The following INTS3 variants were observed in gnomAD, a reference collection of about 807,000 sequenced individuals.
INTS3 encodes SOSS complex subunit A.
A neutral mutation model predicts 146.3 loss-of-function variants in INTS3; 34 were observed. That is an observed-to-expected ratio of 0.23 (90% confidence interval 0.18 to 0.31). The LOEUF (loss-of-function observed/expected upper bound fraction) is 0.31, where lower values mean the gene tolerates loss of function less well. Among genes scored for constraint, INTS3 ranks in the 10% least tolerant of loss-of-function variants. The probability of loss-of-function intolerance (pLI) is 1.00; values close to 1 mark genes in which losing one functional copy is unlikely to be tolerated. For missense variants in INTS3, 757 were observed against 1,304.2 expected (o/e 0.58, Z 6.46); for synonymous variants, 475 against 494.9 (o/e 0.96, Z 0.53).
intron 1 of INTS3, among the ~76,000 whole-genome samples, chr1:153,736,306 C>T (rs1671281888): frequency 6.6e-6 from 1 of 152,176 alleles, no homozygotes; most frequent in African/African-American, 2.4e-5. Context: ...CTTATTTTAG[C>T]TTGAAGTTTT....
rs1360366740 is a variant in INTS3, at chr1:153,762,777, T to A, written c.1566T>A (p.Asp522Glu). Residue 522 changes from aspartate (D) to glutamate (E), a missense_variant, in exon 15 of 30, where the codon GAT becomes GAA. Transcript: ENST00000318967. ...VSMEMDNHMS[D>E]KDESCYDNAE... The stretch of plus-strand genomic sequence containing the variant: ...TGGAGATGGACAACCATATGTCGGA[T>A]AAGGATGAGAGTTGCTATGACAATG... The A allele has an allele frequency of 6.2e-7, 1 of 1,614,002 alleles. No homozygotes were observed. The highest frequency in any genetic ancestry group is 8.5e-7 in the Non-Finnish European group (1 of 1,180,030).
At chr1:153,753,808 A>G (rs935876200) in intron 8 of INTS3, 2 of 152,214 alleles carry the variant, frequency 1.3e-5, no homozygotes, top group Non-Finnish European at 2.9e-5. Context: ...GGCACCTGCC[A>G]TCATGCCCAG....
chr1:153,737,273 T>C (rs537758647), intron 1 of INTS3, among the ~76,000 whole-genome samples: 32 of 152,196 alleles, frequency 2.1e-4, no homozygotes, highest in Non-Finnish European at 3.8e-4. Flanking sequence ...ATCCTCAAGA[T>C]AAAGTTTTAA....
chr1:153,738,206 C>T (rs1671374089), intron 1 of INTS3, among the ~76,000 whole-genome samples: 1 of 152,176 alleles, frequency 6.6e-6, no homozygotes, highest in South Asian at 2.1e-4. Flanking sequence ...TCAAGTGATC[C>T]TCCCACCTCA....
At chr1:153,767,597 G>A in intron 20 of INTS3, 77 bp from the exon 21 acceptor site, 1 of 1,446,734 alleles carries the variant, frequency 6.9e-7, no homozygotes, top group Non-Finnish European at 9.2e-7. Flanking sequence ...CAGTTTTAGA[G>A]CGGGAGCCTG....
intron 26 of INTS3, 31 bp downstream of exon 26, chr1:153,771,994 C>T (rs1041184360): frequency 1.9e-6 from 3 of 1,587,760 alleles, no homozygotes; most frequent in African/African-American, 2.7e-5. Flanking sequence ...ACCCTCCAGG[C>T]CATGGCGGTC....
intron 1 of INTS3, among the ~76,000 whole-genome samples, chr1:153,733,785 A>G (rs548606750): frequency 6.6e-6 from 1 of 151,264 alleles, no homozygotes; most frequent in Non-Finnish European, 1.5e-5. Context: ...TTGTATTTTT[A>G]GTAGAGATGG....
At chr1:153,770,544 G>GT (rs950040502) in intron 24 of INTS3, 141 bp from the exon 25 acceptor site, 1 of 751,762 alleles carries the variant, frequency 1.3e-6, no homozygotes, top group African/African-American at 1.7e-5. Flanking sequence ...ACTGATAGGA[G>GT]TGGGGTAGGG....
chr1:153,772,018 G>C lies in INTS3; in HGVS notation c.2720+55G>C, dbSNP rs1262619350. 2.0e-6 allele frequency: 3 copies of C among 1,499,098 alleles called. No homozygotes were observed. In the African/African-American group the frequency reaches 4.6e-5, roughly 23 times the overall value. The allele number at this position is 1,499,098 out of a possible 1,614,324, so 92.9% of individuals were successfully genotyped here. A position where few individuals can be genotyped will look rare whatever the true frequency, so the allele number is the denominator to read the frequency against. ...GCCATGGCGGTCTGCAGTGATTGCT[G>C]TCGGTGGTGGTGGTGGTGGTGGTGG... On this transcript the variant is annotated intron_variant, in intron 26 of 29. Coordinates refer to ENST00000318967, the MANE Select transcript of INTS3 (RefSeq NM_023015.5). The surrounding 1 kb of genome is among the most constrained non-coding windows in gnomAD (Gnocchi z 4.6).
intron 21 of INTS3, 82 bp downstream of exon 21, chr1:153,767,909 AC>A: frequency 7.2e-7 from 1 of 1,385,546 alleles, no homozygotes; most frequent in Non-Finnish European, 9.5e-7. Flanking sequence ...ACAACCCTGA[AC>A]CCTCTTTTGT....
intron 25 of INTS3, 25 bp downstream of exon 25, chr1:153,770,758 T>C (rs6675978): frequency 0.44 from 691,816 of 1,587,438 alleles, 154,259 homozygotes; most frequent in East Asian, 0.68. Flanking sequence ...TGGGGCTCTT[T>C]AGCCCTCAAT....
Position 153,767,789 on chromosome 1 carries a change from C to T in INTS3, c.2206C>T (p.Arg736Trp), listed in dbSNP as rs1481348560. ...DMKACQEDDVRLLCHLTPSIY... is the reference protein window; with the variant it reads ...DMKACQEDDVWLLCHLTPSIY... ...GAAGGCCTGCCAGGAGGACGATGTGCGGCTCCTGTGCCACCTCACGCCCTC... is the reference window on the plus strand; with the variant it reads ...GAAGGCCTGCCAGGAGGACGATGTGTGGCTCCTGTGCCACCTCACGCCCTC... The change falls in exon 21 of 30, where the codon CGG (arginine) becomes TGG (tryptophan). Residue 736 changes from arginine (R) to tryptophan (W), a missense_variant. By Grantham distance (101) the Arg-to-Trp change is moderately radical. Coordinates refer to ENST00000318967, the MANE Select transcript of INTS3 (RefSeq NM_023015.5). 4.4e-6 allele frequency: 7 copies of T among 1,573,140 alleles called. No homozygotes were observed. The highest frequency in any genetic ancestry group is 1.5e-5 in the African/African-American group (1 of 68,588).
intron 1 of INTS3, among the ~76,000 whole-genome samples, chr1:153,734,963 A>T (rs1404389845): frequency 1.3e-5 from 2 of 152,010 alleles, no homozygotes; most frequent in Non-Finnish European, 2.9e-5. Flanking sequence ...CGCAAATTGA[A>T]TAGTTTTTGT....
Position 153,761,665 on chromosome 1 carries a change from C to A in INTS3, c.1505C>A (p.Pro502Gln), listed in dbSNP as rs1229362422. 2 of 1,612,714 alleles carry A rather than the reference C, an allele frequency of 1.2e-6. No homozygotes were observed. Among genetic ancestry groups the A allele is most frequent in the Non-Finnish European group, 1.7e-6 (2 of 1,178,792 alleles). ...CCTGAGTTCTGCAGCTCACCCTCCCCACCTGTGGAAGGTATGAGGCCCGCC... is the reference window on the plus strand; with the variant it reads ...CCTGAGTTCTGCAGCTCACCCTCCCAACCTGTGGAAGGTATGAGGCCCGCC... Reference protein sequence around the residue: ...KFPEFCSSPSPPVEVKIEEPV... With the variant: ...KFPEFCSSPSQPVEVKIEEPV... The change falls in exon 14 of 30, where the codon CCA becomes CAA. Residue 502 changes from proline (P) to glutamine (Q), a missense_variant. Physicochemically the swap from Pro to Gln is moderately conservative, Grantham distance 76. Transcript: ENST00000318967.
rs1673039020 is a variant in INTS3 at position 153,774,120 on chromosome 1, T to C, written c.*850T>C. ...TCTGCTGGCATTTGCCCCGTGCATGTATAGCTTGGTCTTGATTTGATTGGC... is the reference window on the plus strand; with the variant it reads ...TCTGCTGGCATTTGCCCCGTGCATGCATAGCTTGGTCTTGATTTGATTGGC... On this transcript the variant is annotated 3_prime_UTR_variant, in exon 30 of 30. Transcript: ENST00000318967. The C allele has an allele frequency of 6.5e-6, 1 of 153,656 alleles. No homozygotes were observed. The highest frequency in any genetic ancestry group is 1.5e-5 in the Non-Finnish European group (1 of 68,042). The allele number at this position is 153,656 out of a possible 1,614,324, so 9.5% of individuals were successfully genotyped here. A position where few individuals can be genotyped will look rare whatever the true frequency, so the allele number is the denominator to read the frequency against.
At chr1:153,760,537 G>T in intron 12 of INTS3, 147 bp downstream of exon 12, 1 of 671,776 alleles carries the variant, frequency 1.5e-6, no homozygotes, top group South Asian at 1.8e-5. Flanking sequence ...GTTAATAAAT[G>T]CTTCCCTTCC....
At chr1:153,745,927 C>T (rs1671717239) in intron 3 of INTS3, among the ~76,000 whole-genome samples, 1 of 152,088 alleles carries the variant, frequency 6.6e-6, no homozygotes, top group Admixed American at 6.6e-5. Flanking sequence ...ATAGTGAGAC[C>T]TTGTCTCTAG....
chr1:153,752,449 G>A, intron 8 of INTS3, 41 bp downstream of exon 8: 1 of 1,582,498 alleles, frequency 6.3e-7, no homozygotes, highest in Non-Finnish European at 8.6e-7. Flanking sequence ...AGAGCTGGGA[G>A]TTCAATGTGT....
Position 153,772,522 on chromosome 1 carries a change from G to C in INTS3, c.2821+82G>C, listed in dbSNP as rs1672937941. The C allele has an allele frequency of 1.2e-6, 2 of 1,612,392 alleles. No homozygotes were observed. Among genetic ancestry groups the C allele is most frequent in the East Asian group, 4.5e-5 (2 of 44,824 alleles). ...GCCTGGAGCCAGGCTGGGGGCAGGG[G>C]CAGGACACCCGGGGCCACAACCCAC... On this transcript the variant is annotated intron_variant, in intron 27 of 29. Coordinates refer to ENST00000318967, the MANE Select transcript of INTS3 (RefSeq NM_023015.5). The surrounding 1 kb of genome is among the most constrained non-coding windows in gnomAD (Gnocchi z 4.6).
Sources: allele counts gnomAD v4.1 joint callset (sites outside exome capture counted in the v4.1 genomes callset), GRCh38; gene constraint gnomAD v4.1.1; non-coding constraint Gnocchi (gnomAD v3.1); transcripts MANE v1.5; gene names NCBI Gene and HGNC (gene_info 2026-07-23, HGNC 2026-07-21).